The following LOC400499 variants were observed in gnomAD, a reference collection of about 807,000 sequenced individuals.
At chr16:11,501,119 C>G in the LOC400499 span, 1 of 395,394 alleles carries the variant, frequency 2.5e-6, no homozygotes, top group Admixed American at 4.4e-5. Flanking sequence ...TCTGGGACCC[C>G]GCAGTCTGGC....
the LOC400499 span, among the ~76,000 whole-genome samples, chr16:11,455,131 G>C: frequency 6.6e-6 from 1 of 151,998 alleles, no homozygotes; most frequent in Non-Finnish European, 1.5e-5. Flanking sequence ...CAAAACTCCA[G>C]AAAAAAACAA....
the LOC400499 span, among the ~76,000 whole-genome samples, chr16:11,387,734 C>T: frequency 2.6e-5 from 4 of 152,132 alleles, no homozygotes; most frequent in African/African-American, 9.7e-5. Flanking sequence ...TTTGTTTCTC[C>T]TGCCTCAGCC....
chr16:11,379,362 T>C, the LOC400499 span, among the ~76,000 whole-genome samples: 2 of 152,266 alleles, frequency 1.3e-5, no homozygotes, highest in Non-Finnish European at 2.9e-5. Flanking sequence ...GTGTGTTGCA[T>C]GTACATTTAT....
the LOC400499 span, among the ~76,000 whole-genome samples, chr16:11,438,598 C>CCACCTCTAATTTT: frequency 7.5e-6 from 1 of 133,320 alleles, no homozygotes; most frequent in Non-Finnish European, 1.5e-5. Flanking sequence ...TAGCGAGACC[C>CCACCTCTAATTTT]TGTCTCTGCA....
chr16:11,405,181 G>A, the LOC400499 span, among the ~76,000 whole-genome samples: 1,304 of 152,318 alleles, frequency 8.6e-3, 16 homozygotes, highest in African/African-American at 0.03. Flanking sequence ...CCTAGAAAAT[G>A]GAGGCCAGAA....
chr16:11,486,371 C>T, the LOC400499 span, among the ~76,000 whole-genome samples: 13 of 77,374 alleles, frequency 1.7e-4, 1 homozygote, highest in African/African-American at 7.2e-4. Context: ...TGAATGATGG[C>T]TGGGTGGGTG....
chr16:11,437,629 A>T, the LOC400499 span, among the ~76,000 whole-genome samples: 1 of 152,178 alleles, frequency 6.6e-6, no homozygotes, highest in African/African-American at 2.4e-5. Flanking sequence ...GAACTTTGGA[A>T]GGCTGGGGCA....
At chr16:11,381,999 G>A in the LOC400499 span, among the ~76,000 whole-genome samples, 1 of 151,566 alleles carries the variant, frequency 6.6e-6, no homozygotes, top group Non-Finnish European at 1.5e-5. Flanking sequence ...CTGGAGTGCA[G>A]TGGCGCAATC....
At chr16:11,518,665 T>A in the LOC400499 span, among the ~76,000 whole-genome samples, 3 of 152,252 alleles carry the variant, frequency 2.0e-5, no homozygotes, top group Admixed American at 1.3e-4. Flanking sequence ...GGCTTCTACA[T>A]GAAGGCAGCC....
At chr16:11,494,397 TG>T in the LOC400499 span, among the ~76,000 whole-genome samples, 3 of 68,162 alleles carry the variant, frequency 4.4e-5, no homozygotes, top group Admixed American at 1.5e-4. Flanking sequence ...GGCAGTGGCG[TG>T]GGGGGGCAGG....
chr16:11,385,405 C>G, the LOC400499 span: 1 of 1,232,268 alleles, frequency 8.1e-7, no homozygotes, highest in Non-Finnish European at 1.0e-6. Context: ...GCCCCAGCCA[C>G]CAGGGCATGG....
chr16:11,441,471 G>C, the LOC400499 span, among the ~76,000 whole-genome samples: 1 of 152,358 alleles, frequency 6.6e-6, no homozygotes, highest in East Asian at 1.9e-4. Flanking sequence ...GGTCAAAGCT[G>C]TGCTAGAGTG....
chr16:11,513,620 G>A, the LOC400499 span, among the ~76,000 whole-genome samples: 36 of 151,858 alleles, frequency 2.4e-4, no homozygotes, highest in East Asian at 1.9e-4. Flanking sequence ...TAGTAGAGAC[G>A]GGGTTTCTCC....
At chr16:11,399,510 A>G in the LOC400499 span, 2 of 398,638 alleles carry the variant, frequency 5.0e-6, no homozygotes, top group Non-Finnish European at 4.4e-6. Context: ...TGCTGGCCCC[A>G]GGACACGTTG....
At chr16:11,478,050 C>A in the LOC400499 span, 2 of 395,720 alleles carry the variant, frequency 5.1e-6, no homozygotes, top group Admixed American at 8.9e-5. Context: ...CGGTGGCTCA[C>A]GCCTGTAATC....
chr16:11,423,103 G>A, the LOC400499 span: 1 of 399,146 alleles, frequency 2.5e-6, no homozygotes, highest in Non-Finnish European at 4.4e-6. Flanking sequence ...CGGCCCCTGT[G>A]ATCAGGCTGT....
chr16:11,502,185 G>T, the LOC400499 span: 1 of 399,070 alleles, frequency 2.5e-6, no homozygotes, highest in Non-Finnish European at 4.4e-6. Flanking sequence ...CATGGCCTGC[G>T]ATTCAGAGGG....
chr16:11,411,421 G>A, the LOC400499 span: 6 of 398,144 alleles, frequency 1.5e-5, no homozygotes, highest in East Asian at 2.1e-4. Context: ...ACTTCCCCGA[G>A]AGAGAGTCAG....
At chr16:11,398,561 A>G in the LOC400499 span, 1 of 1,214,722 alleles carries the variant, frequency 8.2e-7, no homozygotes, top group Non-Finnish European at 1.0e-6. Context: ...GAGAATGCCC[A>G]TGGCCAGCTG....
Sources: allele counts gnomAD v4.1 joint callset (sites outside exome capture counted in the v4.1 genomes callset), GRCh38; gene constraint gnomAD v4.1.1; transcripts MANE v1.5.